The following PPEF1 variants were observed in gnomAD, a reference collection of about 807,000 sequenced individuals.
The protein encoded by PPEF1 is protein phosphatase with EF-hand domain 1.
PPEF1 carries 12 observed loss-of-function variants against 53.3 expected under a neutral mutation model. The observed-to-expected ratio is 0.23, with a 90% CI of 0.14 to 0.36. The LOEUF (loss-of-function observed/expected upper bound fraction) is 0.36, where lower values mean the gene tolerates loss of function less well. PPEF1 is among the 10% of genes least tolerant of loss of function. The probability of loss-of-function intolerance (pLI) is 1.00; values close to 1 mark genes in which losing one functional copy is unlikely to be tolerated. For missense variants in PPEF1, 334 were observed against 490.4 expected, an observed-to-expected ratio of 0.68 and a Z score of 3.01; for synonymous variants, 165 against 176.7, an observed-to-expected ratio of 0.93 and a Z score of 0.52.
In PPEF1 at chrX:18,825,968, C is replaced by G. The variant is rs983712323; in HGVS notation, c.1750+133C>G. ...GACACCTTCATTGGTAAGATGGAGGCCTTGCTTATGCATACTGTTAAATGA... is the reference window on the plus strand; with the variant it reads ...GACACCTTCATTGGTAAGATGGAGGGCTTGCTTATGCATACTGTTAAATGA... On this transcript the variant is annotated intron_variant, in intron 15 of 15. Transcript: ENST00000470157. 19 of 411,500 alleles carry G rather than the reference C, an allele frequency of 4.6e-5. No individual in the cohort carries two copies. The Admixed American group carries it at 5.8e-4, about 12-fold the overall frequency. 33.9% of individuals were successfully genotyped at this position (411,500 alleles called of 1,213,427 possible).
intron 4 of PPEF1, among the ~76,000 whole-genome samples, chrX:18,696,101 G>A (rs910218192): frequency 2.7e-5 from 3 of 111,614 alleles, no homozygotes; most frequent in Non-Finnish European, 5.6e-5. Context: ...AAATTACTTG[G>A]TATTCCTTTC....
At chrX:18,801,757 T>C (rs2046549838) in intron 10 of PPEF1, among the ~76,000 whole-genome samples, 1 of 109,746 alleles carries the variant, frequency 9.1e-6, no homozygotes, top group African/African-American at 3.3e-5. Flanking sequence ...CCGAGGTGGG[T>C]CGATCACCTG....
At chrX:18,706,458 C>G (rs1184561829), upstream of PPEF1, among the ~76,000 whole-genome samples, 5 of 109,931 alleles carry the variant, frequency 4.5e-5, no homozygotes, top group Non-Finnish European at 9.5e-5. Flanking sequence ...TAAAAGGGCA[C>G]TCTTGGCCAG....
chrX:18,747,428 C>T (rs1175368722), intron 3 of PPEF1, among the ~76,000 whole-genome samples: 1 of 112,185 alleles, frequency 8.9e-6, no homozygotes, highest in Non-Finnish European at 1.9e-5. Context: ...TTTCCTCTTT[C>T]CTTCCAGCAT....
At chrX:18,729,915 A>G (rs183377611) in intron 1 of PPEF1, among the ~76,000 whole-genome samples, 1 of 112,428 alleles carries the variant, frequency 8.9e-6, no homozygotes, top group East Asian at 2.8e-4. Flanking sequence ...ATAGACGGTA[A>G]TTAGCAGAGC....
intron 1 of PPEF1, among the ~76,000 whole-genome samples, chrX:18,723,783 A>AT (rs375565489): frequency 6.1e-3 from 619 of 102,023 alleles, no homozygotes; most frequent in African/African-American, 0.015. Flanking sequence ...ATACCATCTG[A>AT]TTTTTTTTTT....
intron 4 of PPEF1, among the ~76,000 whole-genome samples, chrX:18,696,433 A>G (rs748903113): frequency 9.1e-6 from 1 of 109,695 alleles, no homozygotes; most frequent in East Asian, 2.9e-4. Flanking sequence ...GATTACAGGT[A>G]TGAGCCACTG....
upstream of PPEF1, among the ~76,000 whole-genome samples, chrX:18,704,904 C>T (rs1015600168): frequency 2.7e-5 from 3 of 111,391 alleles, no homozygotes; most frequent in African/African-American, 9.8e-5. Flanking sequence ...CCCCAGGTGA[C>T]ACTCATATGC....
upstream of PPEF1, among the ~76,000 whole-genome samples, chrX:18,704,538 T>C (rs984854663): frequency 1.8e-5 from 2 of 110,517 alleles, no homozygotes; most frequent in Admixed American, 9.7e-5. Context: ...AATTCCTAGA[T>C]GAACAGTGCC....
At chrX:18,726,220 G>C (rs1023533766) in intron 1 of PPEF1, among the ~76,000 whole-genome samples, 1 of 110,759 alleles carries the variant, frequency 9.0e-6, no homozygotes, top group Non-Finnish European at 1.9e-5. Flanking sequence ...TGGGCGTGGT[G>C]GTGGGCGCCT....
At chrX:18,730,945 C>G (rs1417513513) in intron 2 of PPEF1, among the ~76,000 whole-genome samples, 6 of 111,743 alleles carry the variant, frequency 5.4e-5, no homozygotes, top group African/African-American at 1.6e-4. Flanking sequence ...GAACTCCTGA[C>G]CTCAGGTAAT....
intron 6 of PPEF1, among the ~76,000 whole-genome samples, chrX:18,769,731 A>T (rs2045837614): frequency 3.6e-5 from 4 of 111,982 alleles, no homozygotes; most frequent in Non-Finnish European, 7.5e-5. Flanking sequence ...ACACTGCCAC[A>T]GTGGCCAATT....
At chrX:18,790,718 G>A (rs940269851) in intron 10 of PPEF1, among the ~76,000 whole-genome samples, 6 of 106,862 alleles carry the variant, frequency 5.6e-5, no homozygotes, top group Non-Finnish European at 1.2e-4. Flanking sequence ...TCTTTTTTTT[G>A]AGACAGAGTC....
At chrX:18,718,025 A>G (rs1471438774) in intron 1 of PPEF1, among the ~76,000 whole-genome samples, 1 of 111,862 alleles carries the variant, frequency 8.9e-6, no homozygotes, top group African/African-American at 3.3e-5. Flanking sequence ...GGTAATAGTC[A>G]CCGTTTGATA....
chrX:18,826,618 G>T (rs1457765308), intron 15 of PPEF1, among the ~76,000 whole-genome samples: 1 of 107,468 alleles, frequency 9.3e-6, no homozygotes, highest in Non-Finnish European at 1.9e-5. Flanking sequence ...GTAGAGATGG[G>T]GTTCTCCATG....
In PPEF1 at chrX:18,707,686, G is replaced by A; in HGVS notation, c.-95G>A. ...TCTATGACTGAAGAGGATCGGCTAA[G>A]AGTGGTTCCTCGCAGCTTAAAGGGA... On this transcript the variant is annotated 5_prime_UTR_variant, in exon 1 of 16. Transcript: ENST00000470157. 1.3e-6 allele frequency: 1 copy of A among 794,332 alleles called. No individual in the cohort carries two copies. The highest frequency in any genetic ancestry group is 1.9e-6 in the Non-Finnish European group (1 of 525,172). The allele number at this position is 794,332 out of a possible 1,213,427, so 65.5% of individuals were successfully genotyped here. A position where few individuals can be genotyped will look rare whatever the true frequency, so the allele number is the denominator to read the frequency against.
intron 4 of PPEF1, among the ~76,000 whole-genome samples, chrX:18,750,805 ATGTAGGTTCCAAT>A (rs1428279404): frequency 9.0e-6 from 1 of 110,987 alleles, no homozygotes; most frequent in Non-Finnish European, 1.9e-5. Flanking sequence ...CTATCTTCCC[ATGTAGGTTCCAAT>A]TTCTTCATGT....
In PPEF1 at chrX:18,757,669, A is replaced by G. The variant is rs983936144; in HGVS notation, c.439A>G (p.Lys147Glu). The change falls in exon 5 of 16, where the codon AAG becomes GAG. Residue 147 changes from lysine (K) to glutamate (E), a missense_variant. Transcript: ENST00000470157. ...TGTCTTAGAGGTGCTATTTGAAACC[A>G]AGAAAGTCCTGAAGCAAATGCCGAA... ...HYVLEVLFET[K>E]KVLKQMPNFT... 15 of 1,211,329 alleles carry G rather than the reference A, an allele frequency of 1.2e-5. No individual in the cohort carries two copies. Among genetic ancestry groups the G allele is most frequent in the Non-Finnish European group, 1.7e-5 (15 of 895,165 alleles).
At chrX:18,713,917 T>A (rs983006176) in intron 1 of PPEF1, among the ~76,000 whole-genome samples, 2 of 112,061 alleles carry the variant, frequency 1.8e-5, no homozygotes, top group Non-Finnish European at 3.8e-5. Context: ...ATTTGGTGAA[T>A]AGGCCATAAT....
Sources: allele counts gnomAD v4.1 joint callset (sites outside exome capture counted in the v4.1 genomes callset), GRCh38; gene constraint gnomAD v4.1.1; transcripts MANE v1.5; gene names NCBI Gene and HGNC (gene_info 2026-07-23, HGNC 2026-07-21).